COX7B2: variants seen among roughly 807,000 people sequenced by gnomAD.
COX7B2 encodes the protein cytochrome c oxidase subunit 7B2.
For synonymous variants in COX7B2, 37 were observed against 32.1 expected (o/e 1.15, Z -0.51); for missense variants, 109 against 95.9 (o/e 1.14, Z -0.57).
chr4:46,784,996 G>A (rs1465917365), intron 2 of COX7B2, among the ~76,000 whole-genome samples: 1 of 151,966 alleles, frequency 6.6e-6, no homozygotes, highest in Non-Finnish European at 1.5e-5. Context: ...TAAGTTTAAG[G>A]CACATGCACA....
chr4:46,765,222 T>C (rs1192675248), intron 2 of COX7B2, among the ~76,000 whole-genome samples: 1 of 152,094 alleles, frequency 6.6e-6, no homozygotes, highest in African/African-American at 2.4e-5. Context: ...ACACACAGAA[T>C]AAGAAAAGAC....
chr4:46,845,207 A>G (rs1324382671), intron 1 of COX7B2, among the ~76,000 whole-genome samples, 193 bp from the exon 2 acceptor site: 1 of 152,028 alleles, frequency 6.6e-6, no homozygotes, highest in East Asian at 1.9e-4. Context: ...CGTAAAGCAC[A>G]TGACAAGGGC....
intron 1 of COX7B2, chr4:46,903,805 G>A (rs921939621): frequency 6.6e-6 from 1 of 152,218 alleles, no homozygotes; most frequent in Non-Finnish European, 1.5e-5. Flanking sequence ...TATAGCCTAT[G>A]TGTGTAGTAA....
intron 2 of COX7B2, among the ~76,000 whole-genome samples, chr4:46,744,626 T>C (rs1577650837): frequency 6.6e-6 from 1 of 152,306 alleles, no homozygotes; most frequent in Admixed American, 6.5e-5. Flanking sequence ...ATTAAAACTT[T>C]GAAATGGGCT....
chr4:46,741,916 T>C (rs1714740316), intron 2 of COX7B2, among the ~76,000 whole-genome samples: 1 of 152,150 alleles, frequency 6.6e-6, no homozygotes, highest in Non-Finnish European at 1.5e-5. Context: ...GAAATATTTA[T>C]GGAACATTGA....
At chr4:46,751,447 A>T (rs1715370974) in intron 2 of COX7B2, among the ~76,000 whole-genome samples, 1 of 152,148 alleles carries the variant, frequency 6.6e-6, no homozygotes, top group Non-Finnish European at 1.5e-5. Context: ...TGTACATATT[A>T]GTTATCATGT....
intron 2 of COX7B2, among the ~76,000 whole-genome samples, chr4:46,807,586 G>C (rs1473120231): frequency 2.6e-5 from 4 of 151,714 alleles, no homozygotes; most frequent in Non-Finnish European, 5.9e-5. Flanking sequence ...TCATTACAAA[G>C]GTCAATGTCC....
chr4:46,759,967 G>T (rs1008712192), intron 2 of COX7B2, among the ~76,000 whole-genome samples: 1 of 150,912 alleles, frequency 6.6e-6, no homozygotes, highest in Non-Finnish European at 1.5e-5. Flanking sequence ...AGTTATATAC[G>T]CCTTATCTTA....
intron 1 of COX7B2, among the ~76,000 whole-genome samples, chr4:46,863,230 T>C (rs1011058567): frequency 3.3e-5 from 5 of 152,158 alleles, no homozygotes; most frequent in African/African-American, 1.2e-4. Flanking sequence ...GTTATAGATA[T>C]ACATATGTAT....
rs1010979235 is a variant in COX7B2, at chr4:46,883,010, G to T, written c.-105+26150C>A. Among the ~76,000 whole-genome samples the T allele has an allele frequency of 5.3e-5, 8 of 152,216 alleles. 2 individuals are homozygous for T. Among genetic ancestry groups the T allele is most frequent in the Admixed American group, 1.3e-4 (2 of 15,290 alleles). Reference sequence around the variant, plus strand: ...AGCTAGGTAACAATTTGAAGGCTATGATTTTATAAGTTAAGATTAATTTTT... The same window carrying T: ...AGCTAGGTAACAATTTGAAGGCTATTATTTTATAAGTTAAGATTAATTTTT... On this transcript the variant is annotated intron_variant, in intron 1 of 2. Coordinates refer to ENST00000355591, the MANE Select transcript of COX7B2 (RefSeq NM_130902.3).
chr4:46,875,707 C>T (rs1240874200), intron 1 of COX7B2, among the ~76,000 whole-genome samples: 2 of 151,916 alleles, frequency 1.3e-5, no homozygotes, highest in African/African-American at 4.8e-5. Context: ...CAACTAAATT[C>T]TGCTTCCATC....
At chr4:46,884,954 T>C (rs936425645) in intron 1 of COX7B2, among the ~76,000 whole-genome samples, 10 of 152,230 alleles carry the variant, frequency 6.6e-5, no homozygotes, top group African/African-American at 2.4e-4. Context: ...TGATTTTCAA[T>C]TGTCTGCCCC....
intron 2 of COX7B2, among the ~76,000 whole-genome samples, chr4:46,841,629 G>A (rs1031597998): frequency 6.6e-6 from 1 of 151,898 alleles, no homozygotes; most frequent in South Asian, 2.1e-4. Context: ...CTCAGCCATT[G>A]AGGAGCCTAA....
intron 1 of COX7B2, among the ~76,000 whole-genome samples, chr4:46,891,406 G>A (rs922200504): frequency 2.6e-5 from 4 of 152,080 alleles, no homozygotes; most frequent in Non-Finnish European, 5.9e-5. Context: ...ACATTTAGAG[G>A]TCATAATGAA....
At chr4:46,846,285 C>A (rs1177421795) in intron 1 of COX7B2, among the ~76,000 whole-genome samples, 1 of 151,980 alleles carries the variant, frequency 6.6e-6, no homozygotes, top group African/African-American at 2.4e-5. Context: ...AGACAGCGAT[C>A]TGTGTCCTCA....
At chr4:46,797,092 TAAAAAAAAAAAAAAAAA>T (rs762801656) in intron 2 of COX7B2, among the ~76,000 whole-genome samples, 8 of 62,554 alleles carry the variant, frequency 1.3e-4, no homozygotes, top group Admixed American at 4.3e-4. Context: ...TAGAGTATAA[TAAAAAAAAAAAAAAAAA>T]AAAAAAAAAA....
intron 1 of COX7B2, among the ~76,000 whole-genome samples, chr4:46,857,102 G>T (rs1484037094): frequency 1.3e-5 from 2 of 152,160 alleles, no homozygotes; most frequent in African/African-American, 2.4e-5. Context: ...CAAGCACATG[G>T]TGACAAGCCT....
intron 2 of COX7B2, among the ~76,000 whole-genome samples, chr4:46,740,049 T>C (rs1171621527): frequency 6.6e-6 from 1 of 152,096 alleles, no homozygotes; most frequent in African/African-American, 2.4e-5. Context: ...AAAAATAATA[T>C]GAGACCTGGA....
chr4:46,867,845 T>A (rs1717765259), intron 1 of COX7B2, among the ~76,000 whole-genome samples: 1 of 152,232 alleles, frequency 6.6e-6, no homozygotes, highest in Non-Finnish European at 1.5e-5. Flanking sequence ...TTTTTTGTTG[T>A]TGTGTCTCTG....
Sources: allele counts gnomAD v4.1 joint callset (sites outside exome capture counted in the v4.1 genomes callset), GRCh38; gene constraint gnomAD v4.1.1; transcripts MANE v1.5; gene names NCBI Gene and HGNC (gene_info 2026-07-23, HGNC 2026-07-21).